The following MICAL2 variants were observed in gnomAD, a reference collection of about 807,000 sequenced individuals.
MICAL2 encodes the protein microtubule associated monooxygenase, calponin and LIM domain containing 2, also known as [F-actin]-monooxygenase MICAL2.
In MICAL2, 77 loss-of-function variants were observed where a neutral mutation model predicts 127.3. The ratio of observed to expected loss-of-function variants is 0.60; its 90% CI spans 0.50 to 0.73. The LOEUF is 0.73. Among genes scored for constraint, MICAL2 ranks in the 30% least tolerant of loss-of-function variants. The pLI, the probability that MICAL2 is intolerant of heterozygous loss-of-function variation, is 0.00. For synonymous variants in MICAL2, 570 were observed against 551.1 expected (o/e 1.03, Z -0.48); for missense variants, 1,351 against 1,434.4 (o/e 0.94, Z 0.94).
downstream of MICAL2, chr11:12,294,792 A>C (rs2134791041): frequency 5.9e-6 from 9 of 1,527,886 alleles, no homozygotes; most frequent in African/African-American, 3.7e-5. Flanking sequence ...TCCCTGCGCC[A>C]GGCAGCTCCT....
intron 1 of MICAL2, among the ~76,000 whole-genome samples, chr11:12,278,642 G>A (rs574959430): frequency 3.2e-4 from 49 of 152,348 alleles, no homozygotes; most frequent in African/African-American, 1.1e-3. Context: ...TGAAGCAGGC[G>A]TGTGTGAGGA....
downstream of MICAL2, among the ~76,000 whole-genome samples, chr11:12,290,643 C>T (rs1424822718): frequency 1.3e-5 from 2 of 152,164 alleles, no homozygotes; most frequent in Non-Finnish European, 2.9e-5. Flanking sequence ...GCAGGCCAGC[C>T]GCCTCCCCAG....
downstream of MICAL2, among the ~76,000 whole-genome samples, chr11:12,297,243 C>T (rs187342434): frequency 1.3e-4 from 20 of 152,226 alleles, no homozygotes; most frequent in South Asian, 1.5e-3. Flanking sequence ...ATATAGATTT[C>T]GGAGTGGTGT....
At position 12,319,710 on chromosome 11, in the gene MICAL2, C is replaced by T. The variant is rs774653429; in HGVS notation, c.5227C>T (p.Pro1743Ser). ...TCCCATTTCAGACTCCAAGAACTTT[C>T]CCCTCAGAGCACAGGTAACAGAGGC... Residue 1743 changes from proline (P) to serine (S), a missense_variant, in exon 30 of 35, where the codon CCC (proline) becomes TCC (serine). Transcript: ENST00000646065. The T allele has an allele frequency of 3.0e-5, 48 of 1,613,332 alleles. 2 individuals are homozygous for T. In the South Asian group the frequency reaches 5.3e-4, roughly 18 times the overall value.
intron 13 of MICAL2, among the ~76,000 whole-genome samples, chr11:12,225,028 G>T (rs1331725270): frequency 6.6e-6 from 1 of 152,066 alleles, no homozygotes; most frequent in Non-Finnish European, 1.5e-5. Flanking sequence ...ATAAAAATTG[G>T]CTCCGGCTTA....
intron 1 of MICAL2, among the ~76,000 whole-genome samples, chr11:12,128,113 T>C (rs183212341): frequency 3.7e-4 from 56 of 152,294 alleles, no homozygotes; most frequent in Non-Finnish European, 6.8e-4. Context: ...TGAAGCCAAG[T>C]CAAATGAAGA....
rs575617328 is a variant in MICAL2, at chr11:12,324,126, C to T, written c.5421+56C>T. 2.9e-4 allele frequency: 459 copies of T among 1,571,914 alleles called. 1 individual carries two copies. The African/African-American group carries it at 5.4e-3, about 19-fold the overall frequency. On this transcript the variant is annotated intron_variant, in intron 31 of 34. Coordinates refer to the MICAL2 transcript ENST00000646065. ...GGCCTGGGTCCAGGATCCTGGGACT[C>T]TGGATGGGAAAGAGTTTTGGGGGTC...
chr11:12,126,964 G>C (rs1666992993), intron 1 of MICAL2, among the ~76,000 whole-genome samples: 1 of 152,188 alleles, frequency 6.6e-6, no homozygotes, highest in Admixed American at 6.5e-5. Context: ...GGAGTAAGAA[G>C]AGAGCATCTC....
At chr11:12,321,963 G>C (rs6485658) in intron 30 of MICAL2, among the ~76,000 whole-genome samples, 128,153 of 151,412 alleles carry the variant, frequency 0.85, 54,358 homozygotes, top group Non-Finnish European at 0.88. Flanking sequence ...CACAAGGAAA[G>C]GCAGTATAGA....
chr11:12,311,628 C>A (rs1207096386), intron 29 of MICAL2, among the ~76,000 whole-genome samples: 1 of 152,214 alleles, frequency 6.6e-6, no homozygotes, highest in African/African-American at 2.4e-5. Context: ...TCTCAAACTT[C>A]TGACTGCCTT....
downstream of MICAL2, chr11:12,294,801 C>CTCT (rs747213258): frequency 4.5e-5 from 63 of 1,386,976 alleles, no homozygotes; most frequent in Non-Finnish European, 5.8e-5. Context: ...CAGGCAGCTC[C>CTCT]TCCTCCTCCT....
chr11:12,341,918 G>A (rs1438935602), intron 32 of MICAL2, among the ~76,000 whole-genome samples: 1 of 152,208 alleles, frequency 6.6e-6, no homozygotes, highest in African/African-American at 2.4e-5. Flanking sequence ...CAGCCTTGGT[G>A]GTTGGAAGTA....
intron 3 of MICAL2, among the ~76,000 whole-genome samples, chr11:12,194,267 C>G (rs1859585639): frequency 6.6e-6 from 1 of 152,222 alleles, no homozygotes; most frequent in South Asian, 2.1e-4. Flanking sequence ...GAACCAGATA[C>G]CGGGATTTGA....
At chr11:12,341,826 C>CA (rs373964255) in intron 32 of MICAL2, among the ~76,000 whole-genome samples, 2,004 of 140,262 alleles carry the variant, frequency 0.014, 37 homozygotes, top group African/African-American at 0.049. Flanking sequence ...GACTCTTTCT[C>CA]AAAAAGAAAA....
chr11:12,143,361 A>G (rs1217465151), intron 2 of MICAL2, among the ~76,000 whole-genome samples: 1 of 152,252 alleles, frequency 6.6e-6, no homozygotes, highest in African/African-American at 2.4e-5. Context: ...AGGGGAGTTC[A>G]GAAGTAGACT....
chr11:12,311,394 G>A (rs988883693), intron 29 of MICAL2, among the ~76,000 whole-genome samples: 2 of 149,118 alleles, frequency 1.3e-5, no homozygotes, highest in African/African-American at 5.1e-5. Context: ...GGTGTTGTTG[G>A]TTTCTTATTT....
chr11:12,231,383 A>G (rs1317651359), intron 15 of MICAL2, among the ~76,000 whole-genome samples: 1 of 152,204 alleles, frequency 6.6e-6, no homozygotes, highest in African/African-American at 2.4e-5. Flanking sequence ...ACAGAGTGGC[A>G]TTCACAAAAT....
At chr11:12,293,607 G>A, downstream of MICAL2, 2 of 1,613,946 alleles carry the variant, frequency 1.2e-6, no homozygotes, top group South Asian at 1.1e-5. Flanking sequence ...GGTCATCCAA[G>A]TCCTCCCACC....
chr11:12,295,803 T>C (rs1590726658), downstream of MICAL2, among the ~76,000 whole-genome samples: 2 of 152,168 alleles, frequency 1.3e-5, no homozygotes, highest in East Asian at 3.9e-4. Flanking sequence ...CTGGTGGGTA[T>C]GTTATTTAAT....
Sources: allele counts gnomAD v4.1 joint callset (sites outside exome capture counted in the v4.1 genomes callset), GRCh38; gene constraint gnomAD v4.1.1; transcripts MANE v1.5; gene names NCBI Gene and HGNC (gene_info 2026-07-23, HGNC 2026-07-21).